DYNC2I2: variants seen among roughly 807,000 people sequenced by gnomAD.
The protein encoded by DYNC2I2 is cytoplasmic dynein 2 intermediate chain 2.
Under a neutral mutation model 52.0 loss-of-function variants are expected in DYNC2I2, and 39 were observed. The ratio of observed to expected loss-of-function variants is 0.75; its 90% CI spans 0.58 to 0.98. The LOEUF (loss-of-function observed/expected upper bound fraction) is 0.98. Among genes scored for constraint, DYNC2I2 ranks in the 50% least tolerant of loss-of-function variants. DYNC2I2 has a pLI of 0.00. For synonymous variants in DYNC2I2, 359 were observed against 321.1 expected (o/e 1.12, Z -1.26); for missense variants, 743 against 728.4 (o/e 1.02, Z -0.23).
chr9:128,667,604 T>G, the DYNC2I2 span, among the ~76,000 whole-genome samples: 1 of 149,036 alleles, frequency 6.7e-6, no homozygotes, highest in East Asian at 2.0e-4. Context: ...ACAGCCTCGC[T>G]CTGACACCAG....
upstream of DYNC2I2, among the ~76,000 whole-genome samples, chr9:128,661,564 GCC>G (rs888186798): frequency 6.6e-6 from 1 of 152,100 alleles, no homozygotes; most frequent in Non-Finnish European, 1.5e-5. Flanking sequence ...GTTGGAGTGA[GCC>G]GAGATTGAGC....
At chr9:128,661,324 C>G (rs113878795), upstream of DYNC2I2, among the ~76,000 whole-genome samples, 204 of 117,582 alleles carry the variant, frequency 1.7e-3, 2 homozygotes, top group African/African-American at 6.1e-3. Flanking sequence ...AAAAAAAAAA[C>G]AAAAAGAAAA....
At chr9:128,645,505 T>C (rs1432491930) in intron 1 of DYNC2I2, among the ~76,000 whole-genome samples, 1 of 141,720 alleles carries the variant, frequency 7.1e-6, no homozygotes, top group Non-Finnish European at 1.5e-5. Flanking sequence ...TAGTCCCAAC[T>C]ACTTGGGAGG....
At chr9:128,659,798 C>T (rs1476254095), upstream of DYNC2I2, among the ~76,000 whole-genome samples, 2 of 151,664 alleles carry the variant, frequency 1.3e-5, no homozygotes, top group African/African-American at 2.4e-5. Context: ...ATTCCAGCTA[C>T]TCCGGAGGCT....
intron 2 of DYNC2I2, among the ~76,000 whole-genome samples, chr9:128,638,671 G>C (rs1385769858): frequency 6.6e-6 from 1 of 152,174 alleles, no homozygotes; most frequent in African/African-American, 2.4e-5. Context: ...AGGAGACCAG[G>C]ACCAGCAACT....
At chr9:128,675,851 C>T in the DYNC2I2 span, among the ~76,000 whole-genome samples, 11 of 152,022 alleles carry the variant, frequency 7.2e-5, no homozygotes, top group South Asian at 2.1e-4. Flanking sequence ...TGCCTAGTAA[C>T]GCCCCTGGGA....
rs574661935 is a variant in DYNC2I2 at position 128,633,728 on chromosome 9, C to T, written c.*16G>A. On this transcript the variant is annotated 3_prime_UTR_variant, in exon 9 of 9. Transcript: ENST00000372715. ...GCTCGGCACAGCGAAGGCTTGCACC[C>T]GCCTCCCGGGACCCCTCAGGCCGCC... 69 of 1,608,878 alleles carry T rather than the reference C, an allele frequency of 4.3e-5. No individual in the cohort carries two copies. The highest frequency in any genetic ancestry group is 8.9e-5 in the East Asian group (4 of 44,826).
chr9:128,659,634 C>T (rs543086090), upstream of DYNC2I2, among the ~76,000 whole-genome samples: 5 of 151,356 alleles, frequency 3.3e-5, no homozygotes, highest in East Asian at 4.0e-4. Flanking sequence ...TAGGGCTGGG[C>T]GCAGTAGCTC....
the DYNC2I2 span, among the ~76,000 whole-genome samples, chr9:128,676,140 C>T: frequency 1.3e-5 from 2 of 151,962 alleles, no homozygotes; most frequent in South Asian, 4.2e-4. Flanking sequence ...TGCATTCCAG[C>T]CTGGATGATA....
At chr9:128,664,817 A>G in the DYNC2I2 span, among the ~76,000 whole-genome samples, 1 of 151,558 alleles carries the variant, frequency 6.6e-6, no homozygotes, top group Non-Finnish European at 1.5e-5. Context: ...TACATGCAGC[A>G]CCAATTCTGT....
At chr9:128,681,600 C>T in the DYNC2I2 span, among the ~76,000 whole-genome samples, 1 of 152,158 alleles carries the variant, frequency 6.6e-6, no homozygotes, top group Non-Finnish European at 1.5e-5. Context: ...TACCATTGCT[C>T]GGTCACAAAG....
At chr9:128,634,656 G>A in intron 7 of DYNC2I2, 33 bp downstream of exon 7, 1 of 1,494,060 alleles carries the variant, frequency 6.7e-7, no homozygotes, top group Non-Finnish European at 9.0e-7. Context: ...GGGACACCCT[G>A]GCCCCACTGT....
chr9:128,640,270 A>G (rs963774091), intron 2 of DYNC2I2, among the ~76,000 whole-genome samples: 1 of 151,924 alleles, frequency 6.6e-6, no homozygotes, highest in African/African-American at 2.4e-5. Context: ...TCGGCCTCCC[A>G]AAGTGCTGGG....
intron 1 of DYNC2I2, among the ~76,000 whole-genome samples, chr9:128,649,705 A>AAAAAAAAAAAAAC (rs1564344280): frequency 6.3e-5 from 9 of 143,426 alleles, no homozygotes; most frequent in African/African-American, 2.5e-4. Flanking sequence ...AAAAAAAAAA[A>AAAAAAAAAAAAAC]AAAACTGGGC....
At chr9:128,665,135 C>T in the DYNC2I2 span, among the ~76,000 whole-genome samples, 2 of 151,056 alleles carry the variant, frequency 1.3e-5, no homozygotes, top group Non-Finnish European at 2.9e-5. Flanking sequence ...TAACTGAAAG[C>T]TCCACCTCCA....
the DYNC2I2 span, among the ~76,000 whole-genome samples, chr9:128,668,978 C>T: frequency 6.6e-6 from 1 of 152,014 alleles, no homozygotes; most frequent in Admixed American, 6.6e-5. Context: ...CACCTGTAAT[C>T]CCAGCACTTT....
the DYNC2I2 span, among the ~76,000 whole-genome samples, chr9:128,668,410 C>T: frequency 6.9e-6 from 1 of 145,864 alleles, no homozygotes; most frequent in South Asian, 2.2e-4. Context: ...GGATGGTCTC[C>T]ATCTCCTGAC....
the DYNC2I2 span, among the ~76,000 whole-genome samples, chr9:128,665,908 TAAAA>T: frequency 8.7e-6 from 1 of 115,220 alleles, no homozygotes. Context: ...CCGTCTCTAC[TAAAA>T]AAAAAAAAAA....
the DYNC2I2 span, chr9:128,683,745 T>G: frequency 1.7e-6 from 1 of 587,380 alleles, no homozygotes; most frequent in Non-Finnish European, 2.9e-6. Context: ...GGGGCCGGGG[T>G]GTGTGTCCCA....
Sources: allele counts gnomAD v4.1 joint callset (sites outside exome capture counted in the v4.1 genomes callset), GRCh38; gene constraint gnomAD v4.1.1; transcripts MANE v1.5; gene names NCBI Gene and HGNC (gene_info 2026-07-23, HGNC 2026-07-21).